Variants in ZSWIM4 observed in about 807,000 individuals in gnomAD.
The protein encoded by ZSWIM4 is zinc finger SWIM domain-containing protein 4.
In ZSWIM4, 62 loss-of-function variants were observed where a neutral mutation model predicts 102.5. The observed-to-expected ratio is 0.60, with a 90% CI of 0.49 to 0.75. The LOEUF is 0.75. ZSWIM4 is among the 30% of genes least tolerant of loss of function. The pLI is 0.00. For synonymous variants in ZSWIM4, 652 were observed against 674.5 expected (o/e 0.97, Z 0.52); for missense variants, 1,280 against 1,529.6 (o/e 0.84, Z 2.72).
At position 13,817,931 on chromosome 19, in the gene ZSWIM4, C is replaced by A; in HGVS notation, c.1879C>A (p.Arg627=). ...ALLEEVELDE[R]LVQVLRKQAG... ...GCTGGAGGAGGTGGAGTTGGATGAG[C>A]GGTTGGTGCAGGTGCTGCGCAAGCA... The change falls in exon 9 of 14, where the codon CGG becomes AGG. Residue 627 remains arginine, a synonymous_variant. Coordinates refer to ENST00000590508, the MANE Select transcript of ZSWIM4 (RefSeq NM_001367834.3). 1 of 1,542,614 alleles carries A rather than the reference C, an allele frequency of 6.5e-7. No homozygotes were observed. Among genetic ancestry groups the A allele is most frequent in the South Asian group, 1.2e-5 (1 of 82,646 alleles).
At position 13,825,269 on chromosome 19, in the gene ZSWIM4, C is replaced by T. The variant is rs554213988; in HGVS notation, c.2216-281C>T. On this transcript the variant is annotated intron_variant, in intron 11 of 13. Transcript: ENST00000590508. The surrounding 1 kb of genome is among the most constrained non-coding windows in gnomAD (Gnocchi z 4.6). ...GTCTCAAACTCTTGACCTCGTGATC[C>T]ACCCACCTCAGCCTCCCAAAGTGCT... is the stretch of plus-strand genomic sequence containing the variant. 6.6e-5 allele frequency among the ~76,000 whole-genome samples: 10 copies of T among 152,208 alleles called. No individual in the cohort carries two copies. The highest frequency in any genetic ancestry group is 2.4e-4 in the African/African-American group (10 of 41,516).
At chr19:13,827,798 A>G (rs77893606) in intron 12 of ZSWIM4, among the ~76,000 whole-genome samples, 6,626 of 151,992 alleles carry the variant, frequency 0.044, 480 homozygotes, top group African/African-American at 0.15. Flanking sequence ...GGACCTGTGG[A>G]TGGGGCCTCA....
intron 13 of ZSWIM4, among the ~76,000 whole-genome samples, chr19:13,829,841 A>G (rs560395102): frequency 6.6e-6 from 1 of 151,438 alleles, no homozygotes; most frequent in Admixed American, 6.6e-5. Context: ...AAAAAAGGAA[A>G]GAGAAGTAGA....
Position 13,825,801 on chromosome 19 carries a change from G to A in ZSWIM4, c.2379+88G>A, listed in dbSNP as rs1488679099. ...CTGCGCCTCCCGGGGCATGGGCTGAGTGTGAGCCACTTCGCTGGGGGCCCG... is the reference window on the plus strand; with the variant it reads ...CTGCGCCTCCCGGGGCATGGGCTGAATGTGAGCCACTTCGCTGGGGGCCCG... On this transcript the variant is annotated intron_variant, in intron 12 of 13. Coordinates refer to ENST00000590508, the MANE Select transcript of ZSWIM4 (RefSeq NM_001367834.3). The surrounding 1 kb of genome is among the most constrained non-coding windows in gnomAD (Gnocchi z 4.6). 1 of 1,475,080 alleles carries A rather than the reference G, an allele frequency of 6.8e-7. No homozygotes were observed. The highest frequency in any genetic ancestry group is 1.4e-5 in the African/African-American group (1 of 71,828). 91.4% of individuals were successfully genotyped at this position (1,475,080 alleles called of 1,614,324 possible).
At chr19:13,810,279 G>A (rs1223849460) in intron 5 of ZSWIM4, among the ~76,000 whole-genome samples, 2 of 151,610 alleles carry the variant, frequency 1.3e-5, no homozygotes, top group African/African-American at 4.9e-5. Flanking sequence ...TTACAGGTGT[G>A]AGCCACGGCA....
Position 13,823,334 on chromosome 19 carries a change from C to G in ZSWIM4, c.2061-12C>G. The G allele has an allele frequency of 6.2e-7, 1 of 1,610,874 alleles. No homozygotes were observed. The highest frequency in any genetic ancestry group is 1.1e-5 in the South Asian group (1 of 90,774). On this transcript the variant is annotated splice_polypyrimidine_tract_variant and intron_variant, in intron 10 of 13. Coordinates refer to ENST00000590508, the MANE Select transcript of ZSWIM4 (RefSeq NM_001367834.3). ...CCCCTCCTCACCATGGCTCACTTCT[C>G]CCCTTACCCAGGCTGCCCATACTGG...
Position 13,825,420 on chromosome 19 carries a change from C to T in ZSWIM4, c.2216-130C>T. 9.0e-7 allele frequency: 1 copy of T among 1,110,570 alleles called. No individual in the cohort carries two copies. Among genetic ancestry groups the T allele is most frequent in the Admixed American group, 2.1e-5 (1 of 48,146 alleles). The allele number at this position is 1,110,570 out of a possible 1,614,324, so 68.8% of individuals were successfully genotyped here. ...GTCTGAATCTTCACAGAACCATGGC[C>T]CAGTACACATCCCTCCACACTCACA... On this transcript the variant is annotated intron_variant, in intron 11 of 13. Coordinates refer to ENST00000590508, the MANE Select transcript of ZSWIM4 (RefSeq NM_001367834.3). The surrounding 1 kb of genome is among the most constrained non-coding windows in gnomAD (Gnocchi z 4.6).
chr19:13,795,631 T>C lies in ZSWIM4; in HGVS notation c.-18T>C. The C allele has an allele frequency of 2.1e-6, 1 of 474,494 alleles. No individual in the cohort carries two copies. The highest frequency in any genetic ancestry group is 2.1e-5 in the African/African-American group (1 of 47,968). The allele number at this position is 474,494 out of a possible 1,614,324, so 29.4% of individuals were successfully genotyped here. A position where few individuals can be genotyped will look rare whatever the true frequency, so the allele number is the denominator to read the frequency against. ...CCCCAAAGAGGCCCCGCCCCGGCCC[T>C]GGCCCCGGCCGGGCCGGATGGAACC... On this transcript the variant is annotated 5_prime_UTR_variant, in exon 1 of 14. Coordinates refer to ENST00000590508, the MANE Select transcript of ZSWIM4 (RefSeq NM_001367834.3).
At chr19:13,826,909 A>G (rs1302161349) in intron 12 of ZSWIM4, among the ~76,000 whole-genome samples, 3 of 151,982 alleles carry the variant, frequency 2.0e-5, no homozygotes, top group Non-Finnish European at 4.4e-5. Flanking sequence ...TGTGAGTGCC[A>G]TGGGACCTGG....
At chr19:13,799,184 G>A (rs1974688396) in intron 1 of ZSWIM4, among the ~76,000 whole-genome samples, 1 of 151,656 alleles carries the variant, frequency 6.6e-6, no homozygotes, top group Non-Finnish European at 1.5e-5. Flanking sequence ...GGCCTCAAGT[G>A]ACCCTCCTGC....
chr19:13,800,210 G>A (rs57803349), intron 2 of ZSWIM4, among the ~76,000 whole-genome samples: 3,254 of 139,312 alleles, frequency 0.023, 113 homozygotes, highest in African/African-American at 0.084. Flanking sequence ...GATTACAGGC[G>A]CCCGCCACCG....
At position 13,830,682 on chromosome 19, in the gene ZSWIM4, C is replaced by T. The variant is rs771508697; in HGVS notation, c.2953C>T (p.Leu985Phe). 1.8e-5 allele frequency: 29 copies of T among 1,605,592 alleles called. No homozygotes were observed. Among genetic ancestry groups the T allele is most frequent in the Non-Finnish European group, 2.4e-5 (28 of 1,179,328 alleles). Residue 985 changes from leucine (L) to phenylalanine (F), a missense_variant, in exon 14 of 14, where the codon CTC becomes TTC. By Grantham distance (22) the Leu-to-Phe change is conservative (BLOSUM62 0). Coordinates refer to ENST00000590508, the MANE Select transcript of ZSWIM4 (RefSeq NM_001367834.3). ...GRHELSAIVP[L>F]IIRSIHCAPM... The stretch of plus-strand genomic sequence containing the variant: ...GCACGAGCTCTCTGCCATCGTCCCC[C>T]TCATCATTCGCAGCATCCACTGTGC...
At chr19:13,826,712 C>G (rs1465451669) in intron 12 of ZSWIM4, among the ~76,000 whole-genome samples, 4 of 152,016 alleles carry the variant, frequency 2.6e-5, no homozygotes, top group Admixed American at 2.6e-4. Flanking sequence ...TTGCAGTGAG[C>G]CGAAATCACA....
At chr19:13,806,582 T>C (rs75496802) in intron 3 of ZSWIM4, among the ~76,000 whole-genome samples, 2,714 of 151,664 alleles carry the variant, frequency 0.018, 75 homozygotes, top group African/African-American at 0.063. Flanking sequence ...GGGAGGATCA[T>C]GAGCGTGGGA....
At chr19:13,807,655 T>C (rs1415336701) in intron 3 of ZSWIM4, among the ~76,000 whole-genome samples, 1 of 150,294 alleles carries the variant, frequency 6.7e-6, no homozygotes, top group Non-Finnish European at 1.5e-5. Flanking sequence ...ATTGGATGGA[T>C]GACTCAGTGG....
intron 5 of ZSWIM4, among the ~76,000 whole-genome samples, chr19:13,810,280 A>T (rs1975042334): frequency 6.7e-6 from 1 of 150,074 alleles, no homozygotes; most frequent in African/African-American, 2.5e-5. Flanking sequence ...TACAGGTGTG[A>T]GCCACGGCAC....
At chr19:13,827,443 A>AG (rs1975638590) in intron 12 of ZSWIM4, among the ~76,000 whole-genome samples, 1 of 152,048 alleles carries the variant, frequency 6.6e-6, no homozygotes, top group South Asian at 2.1e-4. Flanking sequence ...TCTCCCAAAA[A>AG]TCAGCCATGC....
intron 7 of ZSWIM4, 43 bp from the exon 8 acceptor site, chr19:13,817,173 T>G (rs1186908227): frequency 6.3e-7 from 1 of 1,578,522 alleles, no homozygotes; most frequent in South Asian, 1.1e-5. Context: ...CCTAGAGACT[T>G]GGGCAGGTGT....
intron 5 of ZSWIM4, among the ~76,000 whole-genome samples, chr19:13,810,603 C>A (rs1975053405): frequency 6.9e-6 from 1 of 144,798 alleles, no homozygotes; most frequent in Non-Finnish European, 1.5e-5. Context: ...CATATGTTTT[C>A]TTTTTTCTTT....
Sources: allele counts gnomAD v4.1 joint callset (sites outside exome capture counted in the v4.1 genomes callset), GRCh38; gene constraint gnomAD v4.1.1; non-coding constraint Gnocchi (gnomAD v3.1); transcripts MANE v1.5; gene names NCBI Gene and HGNC (gene_info 2026-07-23, HGNC 2026-07-21).